Variants in AFF2 observed in about 807,000 individuals in gnomAD.
The protein encoded by AFF2 is ALF transcription elongation factor 2.
Under a neutral mutation model 76.9 loss-of-function variants are expected in AFF2, and 14 were observed. The observed-to-expected ratio is 0.18, with a 90% confidence interval of 0.12 to 0.28. AFF2 has a LOEUF of 0.28. Among genes scored for constraint, AFF2 ranks in the 10% least tolerant of loss-of-function variants. The probability of loss-of-function intolerance (pLI) is 1.00; values close to 1 mark genes in which losing one functional copy is unlikely to be tolerated. For synonymous variants in AFF2, 398 were observed against 366.7 expected, an observed-to-expected ratio of 1.09 and a Z score of -0.98; for missense variants, 868 against 1,001.1, an observed-to-expected ratio of 0.87 and a Z score of 1.79.
At chrX:148,543,513 C>T in intron 1 of AFF2, among the ~76,000 whole-genome samples, 1 of 111,233 alleles carries the variant, frequency 9.0e-6, no homozygotes, top group Non-Finnish European at 1.9e-5. Flanking sequence ...AACAAAGTGA[C>T]TTGCCCAAGG....
intron 2 of AFF2, among the ~76,000 whole-genome samples, chrX:148,654,305 C>A (rs1337398219): frequency 9.0e-6 from 1 of 111,349 alleles, no homozygotes; most frequent in Non-Finnish European, 1.9e-5. Flanking sequence ...AATTGGTGAC[C>A]TTATGGAGAG....
intron 8 of AFF2, among the ~76,000 whole-genome samples, chrX:148,894,752 G>T (rs782251044): frequency 9.0e-6 from 1 of 111,052 alleles, no homozygotes; most frequent in South Asian, 3.8e-4. Flanking sequence ...TCACTACTGG[G>T]TAGTTTTCCA....
At chrX:148,958,926 T>G (rs2072074292) in intron 12 of AFF2, among the ~76,000 whole-genome samples, 1 of 109,137 alleles carries the variant, frequency 9.2e-6, no homozygotes, top group Non-Finnish European at 1.9e-5. Context: ...TTTGATGTCA[T>G]TACTTAACAT....
intron 3 of AFF2, among the ~76,000 whole-genome samples, chrX:148,686,487 C>G (rs915071834): frequency 1.8e-5 from 2 of 111,600 alleles, no homozygotes; most frequent in Non-Finnish European, 3.8e-5. Context: ...AGTTATTGTT[C>G]TGAGCAGGAC....
chrX:148,566,352 A>G (rs1341454547), intron 1 of AFF2, among the ~76,000 whole-genome samples: 2 of 111,473 alleles, frequency 1.8e-5, no homozygotes, highest in Non-Finnish European at 3.8e-5. Context: ...AAAGGAACAA[A>G]AGAATGAAAG....
At chrX:148,538,318 C>G (rs1373709998) in intron 1 of AFF2, among the ~76,000 whole-genome samples, 8 of 111,782 alleles carry the variant, frequency 7.2e-5, no homozygotes, top group Non-Finnish European at 3.8e-5. Context: ...TGGGCCTCAC[C>G]CTAGAGTCTC....
intron 13 of AFF2, among the ~76,000 whole-genome samples, chrX:148,964,237 A>G (rs1260405665): frequency 8.9e-6 from 1 of 112,077 alleles, no homozygotes; most frequent in Non-Finnish European, 1.9e-5. Flanking sequence ...AATGAGACAT[A>G]TGCTCAAAGG....
Position 148,992,453 on chromosome X carries a change from A to G in AFF2, c.*1121A>G, listed in dbSNP as rs1435939408. ...CTCTCTTATAGGTTTTCTGTTTTCT[A>G]CTTTCTTTTTTCTCTTATCTGTGTT... On this transcript the variant is annotated 3_prime_UTR_variant, in exon 21 of 21. Transcript: ENST00000370460. The G allele has an allele frequency of 9.0e-6, 1 of 111,315 alleles. No individual in the cohort carries two copies. The highest frequency in any genetic ancestry group is 1.9e-5 in the Non-Finnish European group (1 of 52,962). 9.2% of individuals were successfully genotyped at this position (111,315 alleles called of 1,213,427 possible).
chrX:148,919,149 A>C (rs782058294), intron 9 of AFF2, among the ~76,000 whole-genome samples: 16 of 112,009 alleles, frequency 1.4e-4, no homozygotes, highest in African/African-American at 5.2e-4. Flanking sequence ...TCTAACTGAG[A>C]GAGGGAAAGT....
intron 7 of AFF2, among the ~76,000 whole-genome samples, chrX:148,867,379 G>A (rs181954469): frequency 1.8e-5 from 2 of 112,144 alleles, no homozygotes; most frequent in East Asian, 5.7e-4. Flanking sequence ...CACCAGTCTG[G>A]TAAAAGAGAT....
chrX:148,592,601 T>C (rs1056912790), intron 1 of AFF2, among the ~76,000 whole-genome samples: 2 of 112,147 alleles, frequency 1.8e-5, no homozygotes, highest in African/African-American at 6.5e-5. Flanking sequence ...CCTGAATATA[T>C]GATGACAGCT....
intron 3 of AFF2, among the ~76,000 whole-genome samples, chrX:148,713,173 T>C (rs782576762): frequency 6.3e-5 from 7 of 110,475 alleles, no homozygotes; most frequent in Non-Finnish European, 1.1e-4. Context: ...AAGGGGAGAA[T>C]GGCAGCAGAT....
intron 19 of AFF2, among the ~76,000 whole-genome samples, chrX:148,982,518 T>TTATG (rs1175100189): frequency 8.9e-6 from 1 of 111,774 alleles, no homozygotes; most frequent in East Asian, 2.8e-4. Context: ...GCAAGCAAGA[T>TTATG]TATGGCCTTG....
At position 148,681,160 on chromosome X, in the gene AFF2, C is replaced by A. The variant is rs148132753; in HGVS notation, c.1041+18392C>A. ...CTCAAGCCTTCAGAGTCTCAATTTC[C>A]TCATCTGTAAAACAAGGATAATAAT... On this transcript the variant is annotated intron_variant, in intron 3 of 20. Coordinates refer to ENST00000370460, the MANE Select transcript of AFF2 (RefSeq NM_002025.4). Among the ~76,000 whole-genome samples, 331 of 111,423 alleles carry A rather than the reference C, an allele frequency of 3.0e-3. 2 individuals are homozygous for A. Among genetic ancestry groups the A allele is most frequent in the African/African-American group, 0.01 (315 of 30,623 alleles).
chrX:148,847,405 T>C (rs2070680464), intron 7 of AFF2, among the ~76,000 whole-genome samples: 1 of 112,011 alleles, frequency 8.9e-6, no homozygotes, highest in African/African-American at 3.3e-5. Flanking sequence ...ACTTGGTTGT[T>C]AGCATTTGGA....
At chrX:148,896,635 T>C (rs1437915568) in intron 8 of AFF2, among the ~76,000 whole-genome samples, 1 of 111,445 alleles carries the variant, frequency 9.0e-6, no homozygotes, top group Non-Finnish European at 1.9e-5. Flanking sequence ...ACATTTTTTT[T>C]CTGATAAAAC....
chrX:148,888,860 T>C (rs909588899), intron 8 of AFF2, among the ~76,000 whole-genome samples: 27 of 111,516 alleles, frequency 2.4e-4, no homozygotes, highest in African/African-American at 8.5e-4. Context: ...GGAGAAAGCA[T>C]ACAGACAAAT....
intron 1 of AFF2, among the ~76,000 whole-genome samples, chrX:148,532,840 G>A (rs2052743855): frequency 8.9e-6 from 1 of 111,811 alleles, no homozygotes; most frequent in South Asian, 3.7e-4. Context: ...CAAATTGTGA[G>A]CCTGGATGTG....
At chrX:148,570,408 A>T (rs1381870522) in intron 1 of AFF2, among the ~76,000 whole-genome samples, 1 of 112,356 alleles carries the variant, frequency 8.9e-6, no homozygotes, top group African/African-American at 3.2e-5. Context: ...TTGAAGTCTC[A>T]TAACATTTAG....
Sources: gnomAD v4.1 joint callset for allele counts (sites outside exome capture counted in the v4.1 genomes callset) on GRCh38, gnomAD v4.1.1 for gene constraint, MANE v1.5 for transcripts, NCBI Gene and HGNC (gene_info 2026-07-23, HGNC 2026-07-21) for gene names.